The following SCN2A variants were observed in gnomAD, a reference collection of about 807,000 sequenced individuals.
SCN2A encodes the protein sodium channel protein type 2 subunit alpha.
In SCN2A, 20 loss-of-function variants were observed where a neutral mutation model predicts 188.7. That is an observed-to-expected ratio of 0.11 (90% CI 0.07 to 0.15). The LOEUF (loss-of-function observed/expected upper bound fraction) is 0.15, where lower values mean the gene tolerates loss of function less well. SCN2A is among the 10% of genes least tolerant of loss of function. The pLI, the probability that SCN2A is intolerant of heterozygous loss-of-function variation, is 1.00. For synonymous variants in SCN2A, 804 were observed against 833.1 expected, an observed-to-expected ratio of 0.97 and a Z score of 0.60; for missense variants, 1,278 against 2,445.0, an observed-to-expected ratio of 0.52 and a Z score of 10.07.
chr2:165,298,637 G>A (rs1696631593), intron 3 of SCN2A, among the ~76,000 whole-genome samples: 1 of 152,252 alleles, frequency 6.6e-6, no homozygotes. Flanking sequence ...ATGTCTTTGA[G>A]TTAGCATTAG....
In SCN2A at chr2:165,354,680, G is replaced by GT. The variant is rs1377561237; in HGVS notation, c.3399+12dup. 2 of 1,611,972 alleles carry GT rather than the reference G, an allele frequency of 1.2e-6. No homozygotes were observed. The highest frequency in any genetic ancestry group is 4.5e-5 in the East Asian group (2 of 44,834). On this transcript the variant is annotated intron_variant, in intron 17 of 26. Coordinates refer to ENST00000375437, the MANE Select transcript of SCN2A (RefSeq NM_001040142.2). ...TGGAGGAAAGCAAAGAGGTAAAAAT[G>GT]TTTAAATAAGGAGATATTTTGGTGT...
At chr2:165,270,754 G>A (rs1454532302) in intron 1 of SCN2A, 1 of 152,056 alleles carries the variant, frequency 6.6e-6, no homozygotes. Context: ...CTCACTCCAG[G>A]CCAGCCTTTA....
At chr2:165,327,016 G>A in intron 13 of SCN2A, 32 bp downstream of exon 13, 4 of 1,612,954 alleles carry the variant, frequency 2.5e-6, no homozygotes, top group Non-Finnish European at 3.4e-6. Flanking sequence ...ACAGTTACTT[G>A]GTGCTTTGGT....
At chr2:165,307,765 T>G in intron 3 of SCN2A, 83 bp from the exon 4 acceptor site, 1 of 923,878 alleles carries the variant, frequency 1.1e-6, no homozygotes, top group Non-Finnish European at 1.8e-6. Context: ...ACTAAAGTTT[T>G]AAACTTCATG....
chr2:165,350,262 T>C (rs577729039), intron 16 of SCN2A, among the ~76,000 whole-genome samples: 2 of 152,254 alleles, frequency 1.3e-5, no homozygotes, highest in East Asian at 1.9e-4. Flanking sequence ...CTCTCACAAG[T>C]TGGGAATCAG....
chr2:165,291,035 C>CTTTCTTTTTTTTT (rs1559339507), intron 1 of SCN2A, among the ~76,000 whole-genome samples: 3 of 79,972 alleles, frequency 3.8e-5, no homozygotes, highest in Non-Finnish European at 4.7e-5. Context: ...TCTTTTCTTT[C>CTTTCTTTTTTTTT]TTTTTTTTTT....
chr2:165,250,347 T>C (rs1694030355), intron 1 of SCN2A, among the ~76,000 whole-genome samples: 1 of 152,056 alleles, frequency 6.6e-6, no homozygotes, highest in African/African-American at 2.4e-5. Context: ...TACAACTGCC[T>C]TTAATAGCTT....
intron 1 of SCN2A, among the ~76,000 whole-genome samples, chr2:165,249,879 C>T (rs1266019981): frequency 6.6e-6 from 1 of 151,950 alleles, no homozygotes; most frequent in Non-Finnish European, 1.5e-5. Context: ...AAAAAAAATT[C>T]CACTGAATAT....
intron 1 of SCN2A, among the ~76,000 whole-genome samples, chr2:165,265,467 T>TGATA: frequency 2.6e-5 from 1 of 38,056 alleles, no homozygotes; most frequent in African/African-American, 9.5e-5. Flanking sequence ...TTTACTCTGT[T>TGATA]GATCTATATA....
At chr2:165,371,615 G>A (rs1289403707) in intron 20 of SCN2A, 2 of 152,164 alleles carry the variant, frequency 1.3e-5, no homozygotes, top group African/African-American at 4.8e-5. Flanking sequence ...CATGCAGGGC[G>A]GGTTCCAGAA....
intron 1 of SCN2A, chr2:165,268,268 A>C (rs1694961081): frequency 6.6e-6 from 1 of 152,050 alleles, no homozygotes; most frequent in African/African-American, 2.4e-5. Context: ...CCTGATGAAC[A>C]TAGATGCAAA....
intron 17 of SCN2A, among the ~76,000 whole-genome samples, chr2:165,360,213 A>T (rs1021988815): frequency 2.0e-5 from 3 of 151,860 alleles, no homozygotes; most frequent in Non-Finnish European, 2.9e-5. Flanking sequence ...GCCCATGAAA[A>T]ATTTAATAGG....
intron 1 of SCN2A, among the ~76,000 whole-genome samples, chr2:165,261,370 G>T (rs538215208): frequency 6.6e-6 from 1 of 152,292 alleles, no homozygotes; most frequent in South Asian, 2.1e-4. Context: ...GCTGGTATCT[G>T]TTTCTAAAGT....
chr2:165,301,113 A>G (rs1248054817), intron 3 of SCN2A, among the ~76,000 whole-genome samples: 3 of 152,196 alleles, frequency 2.0e-5, no homozygotes, highest in Admixed American at 6.5e-5. Context: ...AGTCTGGTCA[A>G]GAAAGAAAAA....
chr2:165,323,197 C>T lies in SCN2A; in HGVS notation c.1713C>T (p.Arg571=). ...SIRGSLFSPR[R]NSRASLFSFR... ...GTGGCTCCCTTTTCTCTCCAAGACG[C>T]AACAGTAGGGCGAGCCTTTTCAGCT... Residue 571 remains arginine (R), a synonymous_variant, in exon 12 of 27, where the codon CGC becomes CGT. Transcript: ENST00000375437. The T allele has an allele frequency of 6.2e-7, 1 of 1,614,188 alleles. No individual in the cohort carries two copies. Among genetic ancestry groups the T allele is most frequent in the Non-Finnish European group, 8.5e-7 (1 of 1,180,040 alleles).
At chr2:165,313,332 T>C (rs931581286) in intron 8 of SCN2A, among the ~76,000 whole-genome samples, 3 of 152,100 alleles carry the variant, frequency 2.0e-5, no homozygotes, top group African/African-American at 7.2e-5. Flanking sequence ...TAACTGCCCT[T>C]AAGTCCCAGA....
At chr2:165,352,811 G>C (rs1003391986) in intron 16 of SCN2A, among the ~76,000 whole-genome samples, 6 of 152,048 alleles carry the variant, frequency 3.9e-5, no homozygotes, top group African/African-American at 1.4e-4. Flanking sequence ...TTATGTACAT[G>C]CAAATATTTT....
At chr2:165,345,718 A>C (rs1416296922) in intron 16 of SCN2A, among the ~76,000 whole-genome samples, 1 of 152,106 alleles carries the variant, frequency 6.6e-6, no homozygotes, top group Non-Finnish European at 1.5e-5. Flanking sequence ...ATTTAAGGTT[A>C]ATATTGTTAT....
intron 13 of SCN2A, 64 bp downstream of exon 13, chr2:165,327,048 A>C (rs999073315): frequency 1.1e-5 from 18 of 1,573,904 alleles, no homozygotes; most frequent in African/African-American, 4.1e-5. Flanking sequence ...AACACTTCAT[A>C]AATTTCAATA....
Sources: allele counts gnomAD v4.1 joint callset (sites outside exome capture counted in the v4.1 genomes callset), GRCh38; gene constraint gnomAD v4.1.1; transcripts MANE v1.5; gene names NCBI Gene and HGNC (gene_info 2026-07-23, HGNC 2026-07-21).